LDB2: variants seen among roughly 807,000 people sequenced by gnomAD.
LDB2 encodes LIM domain binding 2, also known as LIM domain-binding protein 2.
In LDB2, 12 loss-of-function variants were observed where a neutral mutation model predicts 44.3. The observed-to-expected ratio is 0.27, with a 90% confidence interval of 0.17 to 0.44. LDB2 has a LOEUF of 0.44. Ranked by LOEUF, LDB2 falls within the 20% of genes least tolerant of loss-of-function variation. The probability of loss-of-function intolerance (pLI) is 1.00; values close to 1 mark genes in which losing one functional copy is unlikely to be tolerated. For synonymous variants in LDB2, 164 were observed against 174.8 expected (o/e 0.94, Z 0.49); for missense variants, 344 against 473.5 (o/e 0.73, Z 2.54).
chr4:16,837,112 T>C (rs1785010105), intron 1 of LDB2, among the ~76,000 whole-genome samples: 1 of 152,238 alleles, frequency 6.6e-6, no homozygotes, highest in Non-Finnish European at 1.5e-5. Flanking sequence ...TCAGTGTTAA[T>C]ATGAGCAGCT....
At chr4:16,829,041 G>T (rs1023012736) in intron 1 of LDB2, among the ~76,000 whole-genome samples, 2 of 152,132 alleles carry the variant, frequency 1.3e-5, no homozygotes, top group Admixed American at 6.5e-5. Context: ...TCAGGTGAGA[G>T]CACTTACATG....
chr4:16,695,668 A>G (rs1751957891), intron 2 of LDB2, among the ~76,000 whole-genome samples: 3 of 152,214 alleles, frequency 2.0e-5, no homozygotes, highest in African/African-American at 7.2e-5. Context: ...AGACCTCTGC[A>G]AAGACTATTC....
At chr4:16,748,951 C>A (rs1764910676) in intron 2 of LDB2, among the ~76,000 whole-genome samples, 1 of 152,102 alleles carries the variant, frequency 6.6e-6, no homozygotes, top group Non-Finnish European at 1.5e-5. Context: ...TTAGCTCCTC[C>A]AAAGCAAGAG....
intron 5 of LDB2, among the ~76,000 whole-genome samples, chr4:16,522,488 G>A (rs1726589635): frequency 6.6e-6 from 1 of 152,038 alleles, no homozygotes. Flanking sequence ...ATTGTATTAG[G>A]TATTATAAGT....
intron 5 of LDB2, among the ~76,000 whole-genome samples, chr4:16,572,199 G>A (rs928870060): frequency 4.6e-5 from 7 of 152,076 alleles, no homozygotes; most frequent in Non-Finnish European, 7.4e-5. Context: ...TTCATGCTTT[G>A]CCCTCCCCAT....
chr4:16,652,101 C>T (rs1738450918), intron 2 of LDB2, among the ~76,000 whole-genome samples: 2 of 152,048 alleles, frequency 1.3e-5, no homozygotes, highest in African/African-American at 4.8e-5. Flanking sequence ...CAGAGATGCG[C>T]CACCACACCC....
intron 1 of LDB2, among the ~76,000 whole-genome samples, chr4:16,815,749 A>G (rs1434044716): frequency 6.6e-6 from 1 of 152,192 alleles, no homozygotes; most frequent in Non-Finnish European, 1.5e-5. Flanking sequence ...TCGTAAGATG[A>G]CAAAGTTGTG....
intron 2 of LDB2, among the ~76,000 whole-genome samples, chr4:16,656,747 T>C (rs527594587): frequency 2.0e-4 from 30 of 152,336 alleles, no homozygotes; most frequent in Non-Finnish European, 3.5e-4. Context: ...AACAGATTGA[T>C]TCAGCGTGAT....
intron 2 of LDB2, among the ~76,000 whole-genome samples, chr4:16,683,868 T>A (rs1001153284): frequency 3.3e-5 from 5 of 152,190 alleles, no homozygotes; most frequent in Non-Finnish European, 7.3e-5. Flanking sequence ...TGTGGCCCCA[T>A]CACCTGCAGA....
At position 16,515,143 on chromosome 4, in the gene LDB2, G is replaced by A. The variant is rs2152250728; in HGVS notation, c.616-3039C>T. ...AAATCATGTTCTTTGTAGTAACATG[G>A]ATGCAGCTGGAGTCCATTATCCTAA... On this transcript the variant is annotated intron_variant, in intron 5 of 7. Transcript: ENST00000304523. 1.3e-5 allele frequency among the ~76,000 whole-genome samples: 2 copies of A among 152,282 alleles called. 1 individual carries two copies. Among genetic ancestry groups the A allele is most frequent in the South Asian group, 4.1e-4 (2 of 4,822 alleles).
chr4:16,558,599 G>A (rs1740747713), intron 5 of LDB2, among the ~76,000 whole-genome samples: 1 of 152,238 alleles, frequency 6.6e-6, no homozygotes. Flanking sequence ...GTACCTGAAA[G>A]TGACGGGGAG....
intron 2 of LDB2, among the ~76,000 whole-genome samples, chr4:16,667,688 A>G (rs533444105): frequency 6.6e-6 from 1 of 152,354 alleles, no homozygotes; most frequent in South Asian, 2.1e-4. Context: ...AACCGCATAG[A>G]CAGACAGGTT....
chr4:16,846,176 C>T (rs1786957402), intron 1 of LDB2, among the ~76,000 whole-genome samples: 1 of 151,858 alleles, frequency 6.6e-6, no homozygotes, highest in South Asian at 2.1e-4. Context: ...TTCATCTGAT[C>T]TCAACTCTCA....
intron 2 of LDB2, among the ~76,000 whole-genome samples, chr4:16,661,959 G>T (rs1284989078): frequency 1.3e-5 from 2 of 152,130 alleles, no homozygotes; most frequent in African/African-American, 4.8e-5. Flanking sequence ...TCTCAGCACA[G>T]ATTCCAGTCT....
chr4:16,719,133 A>G lies in LDB2; in HGVS notation c.235+40025T>C, dbSNP rs189004298. Among the ~76,000 whole-genome samples the G allele has an allele frequency of 2.4e-3, 368 of 152,218 alleles. 2 individuals are homozygous for G. The highest frequency in any genetic ancestry group is 8.4e-3 in the African/African-American group (349 of 41,552). ...TCAGTGGACAAACTGCTGTTAAACAACTTTTATAAATTGCTTGATTTTCCA... is the reference window on the plus strand; with the variant it reads ...TCAGTGGACAAACTGCTGTTAAACAGCTTTTATAAATTGCTTGATTTTCCA... On this transcript the variant is annotated intron_variant, in intron 2 of 7. Coordinates refer to ENST00000304523, the MANE Select transcript of LDB2 (RefSeq NM_001290.5).
chr4:16,821,383 T>TA (rs71181189), intron 1 of LDB2, among the ~76,000 whole-genome samples: 6,177 of 112,306 alleles, frequency 0.055, 436 homozygotes, highest in African/African-American at 0.16. Flanking sequence ...TGAATTTTTT[T>TA]TTTATTTTTT....
intron 2 of LDB2, among the ~76,000 whole-genome samples, chr4:16,711,100 C>G (rs185500918): frequency 8.3e-4 from 126 of 152,346 alleles, no homozygotes; most frequent in Non-Finnish European, 1.3e-3. Context: ...CTCTTACAAT[C>G]TAGGGGGATG....
At chr4:16,609,867 T>C (rs1472485782) in intron 2 of LDB2, among the ~76,000 whole-genome samples, 4 of 152,124 alleles carry the variant, frequency 2.6e-5, no homozygotes, top group Non-Finnish European at 5.9e-5. Context: ...AAGCACTTCG[T>C]TAAATGGGTC....
At chr4:16,535,829 G>A (rs1384352593) in intron 5 of LDB2, among the ~76,000 whole-genome samples, 1 of 152,190 alleles carries the variant, frequency 6.6e-6, no homozygotes, top group Non-Finnish European at 1.5e-5. Flanking sequence ...AGATACCGAT[G>A]TGTAGAAAGC....
Sources: allele counts gnomAD v4.1 joint callset (sites outside exome capture counted in the v4.1 genomes callset), GRCh38; gene constraint gnomAD v4.1.1; transcripts MANE v1.5; gene names NCBI Gene and HGNC (gene_info 2026-07-23, HGNC 2026-07-21).